Variants in LRIF1 observed in about 807,000 individuals in gnomAD.
The protein encoded by LRIF1 is ligand-dependent nuclear receptor-interacting factor 1.
LRIF1 carries 32 observed loss-of-function variants against 52.7 expected under a neutral mutation model. The ratio of observed to expected loss-of-function variants is 0.61; its 90% CI spans 0.46 to 0.82. LRIF1 has a LOEUF of 0.82. LRIF1 is among the 40% of genes least tolerant of loss of function. The pLI is 0.00. For missense variants in LRIF1, 887 were observed against 892.0 expected, an observed-to-expected ratio of 0.99 and a Z score of 0.07; for synonymous variants, 323 against 317.4, an observed-to-expected ratio of 1.02 and a Z score of -0.19.
At chr1:110,875,234 G>T in the LRIF1 span, among the ~76,000 whole-genome samples, 2 of 152,182 alleles carry the variant, frequency 1.3e-5, no homozygotes, top group African/African-American at 4.8e-5. Flanking sequence ...AGACTGCAGT[G>T]TAACACACCA....
chr1:110,963,328 C>T, intron 1 of LRIF1: 1 of 236,826 alleles, frequency 4.2e-6, no homozygotes. Context: ...ATAAGAGCGT[C>T]GGCCATCTTG....
At chr1:110,892,372 G>GC in the LRIF1 span, 1 of 1,613,942 alleles carries the variant, frequency 6.2e-7, no homozygotes, top group South Asian at 1.1e-5. Flanking sequence ...TTTGGGCTTT[G>GC]GGATCTACCT....
Position 110,951,976 on chromosome 1 carries a change from G to C in LRIF1, c.908C>G (p.Ser303Cys). ...ATTTGAAGACTTAACAGGAACAAGA[G>C]ATGGCGTAAAAGGCTGTAGATTATC... The part of the protein sequence containing the change: ...FQDNLQPFTP[S>C]LVPVKSSNNV... The change falls in exon 2 of 4, where the codon TCT (serine) becomes TGT (cysteine). Residue 303 changes from serine to cysteine, a missense_variant. Ser to Cys is a moderately radical substitution (Grantham distance 112). Transcript: ENST00000369763. The C allele has an allele frequency of 1.2e-6, 2 of 1,614,166 alleles. No individual in the cohort carries two copies. The highest frequency in any genetic ancestry group is 2.2e-5 in the South Asian group (2 of 91,078).
chr1:110,929,197 G>C, the LRIF1 span, among the ~76,000 whole-genome samples: 2 of 152,132 alleles, frequency 1.3e-5, no homozygotes, highest in African/African-American at 2.4e-5. Context: ...CCATGTCCTT[G>C]CTATTGTGAA....
the LRIF1 span, among the ~76,000 whole-genome samples, chr1:110,924,729 A>C: frequency 6.6e-6 from 1 of 152,228 alleles, no homozygotes; most frequent in Admixed American, 6.5e-5. Flanking sequence ...TATCAGCTTA[A>C]TACCAAAACT....
chr1:110,911,399 T>G, the LRIF1 span, among the ~76,000 whole-genome samples: 1 of 152,088 alleles, frequency 6.6e-6, no homozygotes, highest in Non-Finnish European at 1.5e-5. Context: ...ACCAGAAAGA[T>G]TCACAGCTGA....
At chr1:110,938,271 G>C in the LRIF1 span, 2 of 151,974 alleles carry the variant, frequency 1.3e-5, no homozygotes, top group Non-Finnish European at 2.9e-5. Context: ...AAAACTACAG[G>C]CCAATATCTC....
Position 110,947,893 on chromosome 1 carries a change from T to G in LRIF1, c.*66A>C. ...AGACACTTTCAGAACACACCTACAA[T>G]TAACTTATTAATGCTGAAGTATATT... On this transcript the variant is annotated 3_prime_UTR_variant, in exon 4 of 4. Coordinates refer to ENST00000369763, the MANE Select transcript of LRIF1 (RefSeq NM_018372.4). 6.6e-7 allele frequency: 1 copy of G among 1,512,402 alleles called. No individual in the cohort carries two copies. The highest frequency in any genetic ancestry group is 8.8e-7 in the Non-Finnish European group (1 of 1,135,888). The allele number at this position is 1,512,402 out of a possible 1,614,324, so 93.7% of individuals were successfully genotyped here. A position where few individuals can be genotyped will look rare whatever the true frequency, so the allele number is the denominator to read the frequency against.
At chr1:110,899,657 C>CT in the LRIF1 span, 1 of 161,870 alleles carries the variant, frequency 6.2e-6, no homozygotes, top group Non-Finnish European at 1.3e-5. Context: ...CTCTGTTTCT[C>CT]TTTGACTAAG....
At chr1:110,934,751 G>A in the LRIF1 span, among the ~76,000 whole-genome samples, 38 of 152,322 alleles carry the variant, frequency 2.5e-4, no homozygotes, top group African/African-American at 8.9e-4. Flanking sequence ...CTGGACCTAC[G>A]CAGGGCCTGA....
At chr1:110,955,911 GA>G (rs1439050889) in intron 1 of LRIF1, among the ~76,000 whole-genome samples, 5 of 152,172 alleles carry the variant, frequency 3.3e-5, no homozygotes, top group Non-Finnish European at 7.3e-5. Context: ...AAGGAGGCAG[GA>G]AATGGAAACC....
chr1:110,917,129 C>G, the LRIF1 span, among the ~76,000 whole-genome samples: 6 of 152,350 alleles, frequency 3.9e-5, no homozygotes, highest in African/African-American at 1.4e-4. Flanking sequence ...GGTTCTCCTA[C>G]TCCTGAGCCA....
At chr1:110,961,353 T>C (rs1043087166) in intron 1 of LRIF1, among the ~76,000 whole-genome samples, 1 of 152,222 alleles carries the variant, frequency 6.6e-6, no homozygotes. Context: ...TTAAACTGTA[T>C]TGATAGTAAG....
chr1:110,948,495 T>C (rs1049091875), intron 3 of LRIF1, 96 bp from the exon 4 acceptor site: 31 of 1,457,392 alleles, frequency 2.1e-5, no homozygotes, highest in Middle Eastern at 2.5e-4. Context: ...GAAACAAATA[T>C]CTAGCTATTA....
At chr1:110,950,208 T>C (rs1216013256) in intron 2 of LRIF1, 85 bp from the exon 3 acceptor site, 5 of 1,434,322 alleles carry the variant, frequency 3.5e-6, no homozygotes, top group African/African-American at 2.8e-5. Context: ...TATTTCATCT[T>C]ACATAAAAGA....
the LRIF1 span, among the ~76,000 whole-genome samples, chr1:110,925,751 A>C: frequency 6.6e-6 from 1 of 152,170 alleles, no homozygotes; most frequent in Non-Finnish European, 1.5e-5. Context: ...CAGGTAAACC[A>C]ATCTGTTAGA....
the LRIF1 span, among the ~76,000 whole-genome samples, chr1:110,909,723 G>A: frequency 4.0e-5 from 6 of 151,804 alleles, no homozygotes; most frequent in African/African-American, 1.5e-4. Flanking sequence ...TGGGATTACA[G>A]GCATGCATCA....
intron 1 of LRIF1, among the ~76,000 whole-genome samples, chr1:110,955,967 C>G (rs1358479339): frequency 6.6e-6 from 1 of 152,106 alleles, no homozygotes; most frequent in Non-Finnish European, 1.5e-5. Flanking sequence ...AGCTGGAGAC[C>G]TATCTCCTTC....
chr1:110,951,157 A>C (rs149677596), intron 2 of LRIF1, 131 bp downstream of exon 2: 2 of 712,550 alleles, frequency 2.8e-6, no homozygotes, highest in Non-Finnish European at 4.5e-6. Flanking sequence ...TTAAATACTC[A>C]TATGTGTATA....
Sources: gnomAD v4.1 joint callset for allele counts (sites outside exome capture counted in the v4.1 genomes callset) on GRCh38, gnomAD v4.1.1 for gene constraint, MANE v1.5 for transcripts, NCBI Gene and HGNC (gene_info 2026-07-23, HGNC 2026-07-21) for gene names.